PCDHGB2: variants seen among roughly 807,000 people sequenced by gnomAD.
The protein encoded by PCDHGB2 is protocadherin gamma subfamily B, 2.
PCDHGB2 carries 55 observed loss-of-function variants against 59.3 expected under a neutral mutation model. The ratio of observed to expected loss-of-function variants is 0.93; its 90% CI spans 0.75 to 1.16. The LOEUF (loss-of-function observed/expected upper bound fraction) is 1.16. PCDHGB2 is among the 50% of genes most tolerant of loss of function. The pLI, the probability that PCDHGB2 is intolerant of heterozygous loss-of-function variation, is 0.00. For synonymous variants in PCDHGB2, 516 were observed against 512.0 expected (o/e 1.01, Z -0.11); for missense variants, 1,228 against 1,198.5 (o/e 1.02, Z -0.36).
chr5:141,361,581 C>T lies in PCDHGB2; in HGVS notation c.1446C>T (p.Gly482=), dbSNP rs1306719531. 1.2e-6 allele frequency: 2 copies of T among 1,614,056 alleles called. No homozygotes were observed. The highest frequency in any genetic ancestry group is 1.1e-5 in the South Asian group (1 of 91,084). The change falls in exon 1 of 4, where the codon GGC becomes GGT. Residue 482 remains glycine (G), a synonymous_variant. Coordinates refer to ENST00000522605, the MANE Select transcript of PCDHGB2 (RefSeq NM_018923.3). Reference sequence around the variant, plus strand: ...TCAGTGCCTCTGACCCTGACTTGGGCCCCAGTGGCCAAGTTTCCTACTCCA... The same window carrying T: ...TCAGTGCCTCTGACCCTGACTTGGGTCCCAGTGGCCAAGTTTCCTACTCCA... ...AQISASDPDL[G]PSGQVSYSIV... is the part of the protein sequence containing the mutation.
chr5:141,422,874 G>C (rs763219526), intron 1 of PCDHGB2: 56 of 1,614,134 alleles, frequency 3.5e-5, no homozygotes, highest in Non-Finnish European at 1.0e-5. Flanking sequence ...ACGTGTCGCT[G>C]AGCCTGTTCG....
At chr5:141,427,890 G>A in intron 1 of PCDHGB2, 1 of 1,566,844 alleles carries the variant, frequency 6.4e-7, no homozygotes, top group Non-Finnish European at 8.7e-7. Flanking sequence ...CCACGACCAG[G>A]GCTCGCCCGC....
At chr5:141,371,584 A>C in intron 1 of PCDHGB2, 1 of 1,613,962 alleles carries the variant, frequency 6.2e-7, no homozygotes, top group Non-Finnish European at 8.5e-7. Flanking sequence ...ATCGTTCAAG[A>C]TACCAAAAAC....
chr5:141,366,286 C>T, intron 1 of PCDHGB2: 1 of 1,613,720 alleles, frequency 6.2e-7, no homozygotes. Flanking sequence ...ATGGCCAGCC[C>T]CCTCTGTCAG....
At position 141,387,650 on chromosome 5, in the gene PCDHGB2, G is replaced by C. The variant is rs116225244; in HGVS notation, c.2421+25094G>C. 2,320 of 639,876 alleles carry C rather than the reference G, an allele frequency of 3.6e-3. 38 individuals are homozygous for C. The highest frequency in any genetic ancestry group is 0.034 in the African/African-American group (1,854 of 54,556). 39.6% of individuals were successfully genotyped at this position (639,876 alleles called of 1,614,324 possible). A position where few individuals can be genotyped will look rare whatever the true frequency, so the allele number is the denominator to read the frequency against. Reference sequence around the variant, plus strand: ...CTGGGCGCCGCTGTTGGCCAAAGTGGAGAGCTTGGCGCTCCAGATCTCCTC... The same window carrying C: ...CTGGGCGCCGCTGTTGGCCAAAGTGCAGAGCTTGGCGCTCCAGATCTCCTC... On this transcript the variant is annotated intron_variant, in intron 1 of 3. Coordinates refer to ENST00000522605, the MANE Select transcript of PCDHGB2 (RefSeq NM_018923.3).
intron 1 of PCDHGB2, chr5:141,422,579 C>T: frequency 6.2e-7 from 1 of 1,614,052 alleles, no homozygotes; most frequent in Non-Finnish European, 8.5e-7. Flanking sequence ...GATAACCCTC[C>T]CGTTTTTCCT....
At chr5:141,430,910 G>T in intron 1 of PCDHGB2, 2 of 1,608,040 alleles carry the variant, frequency 1.2e-6, no homozygotes, top group Middle Eastern at 1.7e-4. Context: ...CATCTCCAGG[G>T]ACCTGGGGCT....
chr5:141,426,802 C>G (rs2096961440), intron 1 of PCDHGB2: 1 of 456,696 alleles, frequency 2.2e-6, no homozygotes, highest in South Asian at 1.5e-5. Flanking sequence ...CAGCTCAGTT[C>G]TAATGAACAT....
chr5:141,372,027 A>G (rs764132695), intron 1 of PCDHGB2: 3 of 1,613,296 alleles, frequency 1.9e-6, no homozygotes, highest in Non-Finnish European at 2.5e-6. Flanking sequence ...GCTCAGCGCC[A>G]ACGTGAGCCT....
intron 1 of PCDHGB2, among the ~76,000 whole-genome samples, chr5:141,373,662 T>C (rs1319235176): frequency 6.6e-6 from 1 of 152,246 alleles, no homozygotes; most frequent in Non-Finnish European, 1.5e-5. Context: ...GATATTTTCA[T>C]AAAAATGAAT....
At chr5:141,427,879 C>T in intron 1 of PCDHGB2, 1 of 1,562,380 alleles carries the variant, frequency 6.4e-7, no homozygotes. Context: ...ACGATGCAGG[C>T]CCACGACCAG....
Position 141,361,093 on chromosome 5 carries a change from G to A in PCDHGB2, c.958G>A (p.Glu320Lys), listed in dbSNP as rs1160500738. The change falls in exon 1 of 4, where the codon GAA becomes AAA. Residue 320 changes from glutamate to lysine, a missense_variant. This residue lies in a region of PCDHGB2 where 781 missense variants were observed against 721.6 expected (regional missense o/e 1.08). Coordinates refer to ENST00000522605, the MANE Select transcript of PCDHGB2 (RefSeq NM_018923.3). ...TGCAAGTAGTTACACTCTGAGTATC[G>A]AAGCAAAAGATCCTGGAGATCTAGC... ...EIASSYTLSIEAKDPGDLAAH... is the reference protein window; with the variant it reads ...EIASSYTLSIKAKDPGDLAAH... 1.2e-6 allele frequency: 2 copies of A among 1,613,846 alleles called. No homozygotes were observed. Among genetic ancestry groups the A allele is most frequent in the East Asian group, 2.2e-5 (1 of 44,900 alleles).
intron 1 of PCDHGB2, chr5:141,422,354 A>G: frequency 6.4e-7 from 1 of 1,557,090 alleles, no homozygotes; most frequent in Non-Finnish European, 8.6e-7. Flanking sequence ...CAAGATCAAG[A>G]TTCTGGAGAA....
At chr5:141,375,806 G>A in intron 1 of PCDHGB2, 1 of 1,614,206 alleles carries the variant, frequency 6.2e-7, no homozygotes, top group Non-Finnish European at 8.5e-7. Context: ...TTCCACTGGC[G>A]TGGAGCTGGC....
rs772195653 is a variant in PCDHGB2 at position 141,477,704 on chromosome 5, C to A, written c.2422-17103C>A. On this transcript the variant is annotated intron_variant, in intron 1 of 3. Transcript: ENST00000522605. The surrounding 1 kb of genome is among the most constrained non-coding windows in gnomAD (Gnocchi z 4.9). ...CTTAGTGCCCCTAGACTATGAGGAT[C>A]GGCGGGAATTTGAATTAACAGCTCA... The A allele has an allele frequency of 5.0e-6, 8 of 1,613,850 alleles. No individual in the cohort carries two copies. Among genetic ancestry groups the A allele is most frequent in the Non-Finnish European group, 5.9e-6 (7 of 1,180,046 alleles).
chr5:141,362,840 T>C (rs1762699697), intron 1 of PCDHGB2, among the ~76,000 whole-genome samples: 1 of 152,282 alleles, frequency 6.6e-6, no homozygotes, highest in East Asian at 1.9e-4. Flanking sequence ...ATTGAGACTT[T>C]AGGCAATTAG....
At chr5:141,505,345 G>C (rs776607130) in intron 2 of PCDHGB2, 48 bp from the exon 3 acceptor site, 3 of 1,613,086 alleles carry the variant, frequency 1.9e-6, no homozygotes, top group Non-Finnish European at 2.5e-6. Flanking sequence ...AGGGGCATGA[G>C]CTGTGCCGGC....
intron 1 of PCDHGB2, chr5:141,382,806 C>G: frequency 9.1e-7 from 1 of 1,097,502 alleles, no homozygotes; most frequent in South Asian, 1.6e-5. Context: ...GGATTCTGAG[C>G]TCCCCTTCCT....
At position 141,383,772 on chromosome 5, in the gene PCDHGB2, G is replaced by A. The variant is rs187406135; in HGVS notation, c.2421+21216G>A. The A allele has an allele frequency of 1.7e-5, 27 of 1,613,982 alleles. No homozygotes were observed. Among genetic ancestry groups the A allele is most frequent in the Admixed American group, 8.3e-5 (5 of 60,026 alleles). ...AAATAACTCCTAAACTTCCAAAGAT[G>A]TTTCATCTGAACTCGCTTACAGGAG... is the stretch of plus-strand genomic sequence containing the variant. On this transcript the variant is annotated intron_variant, in intron 1 of 3. Transcript: ENST00000522605.
Sources: allele counts gnomAD v4.1 joint callset (sites outside exome capture counted in the v4.1 genomes callset), GRCh38; gene constraint gnomAD v4.1.1; regional missense constraint gnomAD v4.1.1; non-coding constraint Gnocchi (gnomAD v3.1); transcripts MANE v1.5; gene names NCBI Gene and HGNC (gene_info 2026-07-23, HGNC 2026-07-21).